The following ADAMTSL1 variants were observed in gnomAD, a reference collection of about 807,000 sequenced individuals.
ADAMTSL1 encodes ADAMTS-like protein 1.
A neutral mutation model predicts 201.8 loss-of-function variants in ADAMTSL1; 126 were observed. That is an observed-to-expected ratio of 0.62 (90% CI 0.54 to 0.72). The LOEUF is 0.72. Among genes scored for constraint, ADAMTSL1 ranks in the 30% least tolerant of loss-of-function variants. The pLI is 0.00. For missense variants in ADAMTSL1, 2,679 were observed against 2,277.8 expected, an observed-to-expected ratio of 1.18 and a Z score of -3.59; for synonymous variants, 1,121 against 903.4, an observed-to-expected ratio of 1.24 and a Z score of -4.32.
chr9:18,694,543 TC>T (rs1258016619), intron 13 of ADAMTSL1, among the ~76,000 whole-genome samples: 1 of 152,128 alleles, frequency 6.6e-6, no homozygotes, highest in African/African-American at 2.4e-5. Context: ...CCCGTGCAAG[TC>T]AGAAACCCAG....
intron 1 of ADAMTSL1, among the ~76,000 whole-genome samples, chr9:18,047,614 G>C (rs1009537817): frequency 2.0e-4 from 31 of 152,104 alleles, no homozygotes; most frequent in African/African-American, 7.0e-4. Context: ...CTGAGGTCTT[G>C]GGGGTGGGGT....
chr9:17,918,285 T>TATAA (rs1184283944), intron 1 of ADAMTSL1, among the ~76,000 whole-genome samples: 1 of 151,826 alleles, frequency 6.6e-6, no homozygotes, highest in Admixed American at 6.6e-5. Flanking sequence ...TGTTTAATGA[T>TATAA]ATAAATATTC....
intron 3 of ADAMTSL1, among the ~76,000 whole-genome samples, chr9:18,539,108 C>A (rs76483072): frequency 0.011 from 1,697 of 152,264 alleles, 9 homozygotes; most frequent in South Asian, 0.017. Flanking sequence ...CCTTATTATT[C>A]TAGCAGTTGA....
chr9:18,556,533 C>A (rs533270457), intron 3 of ADAMTSL1, among the ~76,000 whole-genome samples: 1 of 151,876 alleles, frequency 6.6e-6, no homozygotes, highest in African/African-American at 2.4e-5. Flanking sequence ...GACTTTGGAG[C>A]CTAATACTAT....
At chr9:18,855,276 T>A (rs1826770708) in intron 23 of ADAMTSL1, among the ~76,000 whole-genome samples, 1 of 152,182 alleles carries the variant, frequency 6.6e-6, no homozygotes, top group Non-Finnish European at 1.5e-5. Context: ...GACTTGGGGT[T>A]TTTGTGTAAC....
intron 4 of ADAMTSL1, among the ~76,000 whole-genome samples, chr9:18,585,049 T>G (rs1823389950): frequency 6.6e-6 from 1 of 152,230 alleles, no homozygotes; most frequent in African/African-American, 2.4e-5. Flanking sequence ...TCATCCAAGC[T>G]CTACCCATTA....
At chr9:18,864,365 T>C (rs1333276457) in intron 23 of ADAMTSL1, among the ~76,000 whole-genome samples, 1 of 152,162 alleles carries the variant, frequency 6.6e-6, no homozygotes, top group Non-Finnish European at 1.5e-5. Flanking sequence ...GAACTTTGGC[T>C]GTGTGGCTCA....
intron 1 of ADAMTSL1, among the ~76,000 whole-genome samples, chr9:17,968,843 T>A (rs1818084433): frequency 6.6e-6 from 1 of 152,146 alleles, no homozygotes. Context: ...CATAATTTCT[T>A]TAAATGCAGA....
intron 2 of ADAMTSL1, among the ~76,000 whole-genome samples, chr9:18,269,792 G>A (rs1216002176): frequency 6.6e-6 from 1 of 150,494 alleles, no homozygotes; most frequent in African/African-American, 2.4e-5. Flanking sequence ...AAATGTTAGT[G>A]TTACCACAAA....
At chr9:18,552,635 A>G (rs1820857006) in intron 3 of ADAMTSL1, among the ~76,000 whole-genome samples, 1 of 151,760 alleles carries the variant, frequency 6.6e-6, no homozygotes, top group South Asian at 2.1e-4. Flanking sequence ...GATATTTAAA[A>G]TCTTCTTCTT....
At chr9:18,674,441 C>G (rs1053440024) in intron 9 of ADAMTSL1, among the ~76,000 whole-genome samples, 5 of 151,870 alleles carry the variant, frequency 3.3e-5, no homozygotes, top group African/African-American at 1.2e-4. Flanking sequence ...GTAATTTCTT[C>G]AGAAACTATG....
intron 1 of ADAMTSL1, among the ~76,000 whole-genome samples, chr9:18,013,877 A>G (rs569863044): frequency 1.3e-5 from 2 of 152,134 alleles, no homozygotes; most frequent in South Asian, 4.1e-4. Flanking sequence ...AGTTTTCCAT[A>G]TAAAAAGTGG....
chr9:18,613,704 G>C (rs1454549330), intron 4 of ADAMTSL1, among the ~76,000 whole-genome samples: 1 of 151,994 alleles, frequency 6.6e-6, no homozygotes, highest in Non-Finnish European at 1.5e-5. Context: ...GACAAAAAGG[G>C]GAACAACAGA....
At chr9:18,514,050 G>T (rs1818204243) in intron 2 of ADAMTSL1, among the ~76,000 whole-genome samples, 1 of 149,992 alleles carries the variant, frequency 6.7e-6, no homozygotes, top group South Asian at 2.1e-4. Flanking sequence ...AGTTTGATAG[G>T]CAACGCATTG....
intron 1 of ADAMTSL1, among the ~76,000 whole-genome samples, chr9:18,031,107 A>C (rs1277270660): frequency 1.3e-5 from 2 of 151,774 alleles, no homozygotes; most frequent in South Asian, 2.1e-4. Flanking sequence ...TTTTTTCTTG[A>C]ATTTTGTTAA....
intron 4 of ADAMTSL1, among the ~76,000 whole-genome samples, chr9:18,592,519 T>C (rs909858587): frequency 6.6e-6 from 1 of 152,156 alleles, no homozygotes; most frequent in African/African-American, 2.4e-5. Context: ...TTGCTCTCAG[T>C]TGGTTGTTGT....
chr9:18,275,701 G>T (rs886586047), intron 2 of ADAMTSL1, among the ~76,000 whole-genome samples: 7 of 151,994 alleles, frequency 4.6e-5, no homozygotes, highest in Non-Finnish European at 8.8e-5. Context: ...CTATTCCTTC[G>T]TATTGCTGAG....
intron 8 of ADAMTSL1, among the ~76,000 whole-genome samples, chr9:18,660,590 A>C (rs139692083): frequency 1.3e-5 from 2 of 152,230 alleles, no homozygotes. Context: ...CCCTGTGTAG[A>C]AATTATTATC....
rs553282612 is a variant in ADAMTSL1 at position 18,132,661 on chromosome 9, C to T, written c.88-31201C>T. On this transcript the variant is annotated intron_variant, in intron 1 of 29. Coordinates refer to the ADAMTSL1 transcript ENST00000680146. ...GCCTCAGGCTTCTCCAACTTCCAGTCTATCATGTATGTTACTTTGAGCTTT... is the reference window on the plus strand; with the variant it reads ...GCCTCAGGCTTCTCCAACTTCCAGTTTATCATGTATGTTACTTTGAGCTTT... Among the ~76,000 whole-genome samples the T allele has an allele frequency of 3.3e-5, 5 of 152,122 alleles. No homozygotes were observed. In the South Asian group the frequency reaches 8.3e-4, roughly 25 times the overall value.
Sources: gnomAD v4.1 joint callset for allele counts (sites outside exome capture counted in the v4.1 genomes callset) on GRCh38, gnomAD v4.1.1 for gene constraint, MANE v1.5 for transcripts, NCBI Gene and HGNC (gene_info 2026-07-23, HGNC 2026-07-21) for gene names.